AKT3: variants seen among roughly 807,000 people sequenced by gnomAD.
AKT3 encodes RAC-gamma serine/threonine-protein kinase.
A neutral mutation model predicts 65.3 loss-of-function variants in AKT3; 15 were observed. The ratio of observed to expected loss-of-function variants is 0.23; its 90% CI spans 0.15 to 0.35. The LOEUF is 0.35. Ranked by LOEUF, AKT3 falls within the 10% of genes least tolerant of loss-of-function variation. AKT3 has a pLI of 1.00. For missense variants in AKT3, 243 were observed against 576.5 expected (o/e 0.42, Z 5.92); for synonymous variants, 206 against 183.8 (o/e 1.12, Z -0.98).
chr1:243,489,159 C>T (rs1470993701), intron 13 of AKT3: 6 of 1,610,430 alleles, frequency 3.7e-6, no homozygotes, highest in Admixed American at 3.3e-5. Flanking sequence ...CAGAACGCGG[C>T]GCAGGTGGGA....
At chr1:243,542,133 A>G (rs1461176987) in intron 12 of AKT3, among the ~76,000 whole-genome samples, 1 of 152,226 alleles carries the variant, frequency 6.6e-6, no homozygotes. Flanking sequence ...ATTCAACACA[A>G]TCTCACACAA....
chr1:243,713,569 G>A (rs926462325), intron 2 of AKT3, among the ~76,000 whole-genome samples: 5 of 151,970 alleles, frequency 3.3e-5, no homozygotes, highest in African/African-American at 1.2e-4. Flanking sequence ...CCCTGCTGGA[G>A]CTGTCATTTT....
chr1:243,668,933 T>C (rs1682986336), intron 3 of AKT3, among the ~76,000 whole-genome samples: 1 of 152,212 alleles, frequency 6.6e-6, no homozygotes. Flanking sequence ...TTCAACTTTG[T>C]ATAGCAGCAT....
intron 2 of AKT3, among the ~76,000 whole-genome samples, chr1:243,837,945 C>G (rs377581345): frequency 6.6e-6 from 1 of 152,240 alleles, no homozygotes; most frequent in African/African-American, 2.4e-5. Context: ...AAAAGCAGAA[C>G]TGTGGATGTT....
chr1:243,748,672 C>A (rs922972272), intron 2 of AKT3, among the ~76,000 whole-genome samples: 1 of 152,064 alleles, frequency 6.6e-6, no homozygotes, highest in Admixed American at 6.5e-5. Context: ...AATGCAAACA[C>A]AGTATTAATA....
chr1:243,562,969 C>A (rs1195902332), intron 10 of AKT3, among the ~76,000 whole-genome samples: 2 of 152,188 alleles, frequency 1.3e-5, no homozygotes, highest in African/African-American at 4.8e-5. Context: ...GTAACTGGAA[C>A]ACCATCTACA....
At chr1:243,632,074 C>T (rs1352686252) in intron 6 of AKT3, among the ~76,000 whole-genome samples, 3 of 152,188 alleles carry the variant, frequency 2.0e-5, no homozygotes, top group Non-Finnish European at 2.9e-5. Flanking sequence ...CTTCCATGAA[C>T]ATTCATGAAG....
At chr1:243,644,114 C>A (rs532275032) in intron 5 of AKT3, among the ~76,000 whole-genome samples, 122 of 152,088 alleles carry the variant, frequency 8.0e-4, no homozygotes, top group Non-Finnish European at 1.3e-3. Context: ...TACTGTAACA[C>A]GTCAATATAC....
intron 2 of AKT3, among the ~76,000 whole-genome samples, chr1:243,809,808 A>G (rs1381338339): frequency 6.6e-6 from 1 of 152,070 alleles, no homozygotes; most frequent in Non-Finnish European, 1.5e-5. Context: ...GCAAATGTAA[A>G]AGAACAGAAA....
At chr1:243,769,930 A>AC (rs770880583) in intron 2 of AKT3, among the ~76,000 whole-genome samples, 1 of 152,186 alleles carries the variant, frequency 6.6e-6, no homozygotes, top group Non-Finnish European at 1.5e-5. Context: ...TTTTCTTCTA[A>AC]GAGTTTTAGT....
intron 2 of AKT3, among the ~76,000 whole-genome samples, chr1:243,785,858 C>T (rs1050791065): frequency 6.6e-6 from 1 of 152,198 alleles, no homozygotes; most frequent in African/African-American, 2.4e-5. Flanking sequence ...CTCCTTAGGA[C>T]TCCAGAACTG....
rs1669244894 is a variant in AKT3 at position 243,501,021 on chromosome 1, C to T, written c.*4228G>A. 1 of 229,314 alleles carries T rather than the reference C, an allele frequency of 4.4e-6. No individual in the cohort carries two copies. The highest frequency in any genetic ancestry group is 5.7e-5 in the Admixed American group (1 of 17,602). 14.2% of individuals were successfully genotyped at this position (229,314 alleles called of 1,614,324 possible). A position where few individuals can be genotyped will look rare whatever the true frequency, so the allele number is the denominator to read the frequency against. On this transcript the variant is annotated 3_prime_UTR_variant, in exon 14 of 14. Coordinates refer to ENST00000673466, the MANE Select transcript of AKT3 (RefSeq NM_005465.7). The stretch of plus-strand genomic sequence containing the variant: ...ATTATAGAGGTCACTTTTTTTTAGC[C>T]TCCTGGATCTGTCAACCCCAGTGGT...
chr1:243,834,812 A>G (rs1430125036), intron 2 of AKT3, among the ~76,000 whole-genome samples: 2 of 152,108 alleles, frequency 1.3e-5, no homozygotes, highest in African/African-American at 2.4e-5. Flanking sequence ...ATAGGAAAAA[A>G]ATTTTTTAAC....
intron 3 of AKT3, among the ~76,000 whole-genome samples, chr1:243,669,571 C>G (rs554208496): frequency 1.3e-5 from 2 of 152,224 alleles, no homozygotes; most frequent in South Asian, 4.1e-4. Context: ...TATCTAAGCC[C>G]TCAGGTTTAT....
chr1:243,512,555 A>G, intron 12 of AKT3, 129 bp from the exon 13 acceptor site: 1 of 610,318 alleles, frequency 1.6e-6, no homozygotes, highest in Non-Finnish European at 2.8e-6. Context: ...TCGCTGGGTA[A>G]GGGAGACATG....
intron 2 of AKT3, 49 bp from the exon 3 acceptor site, chr1:243,695,765 C>A (rs921151895): frequency 2.0e-6 from 3 of 1,504,250 alleles, no homozygotes; most frequent in Middle Eastern, 1.8e-4. Context: ...TGAACAGCAG[C>A]TTTTATGCAA....
rs1418215747 is a variant in AKT3, at chr1:243,500,804, T to G, written c.*4445A>C. On this transcript the variant is annotated 3_prime_UTR_variant, in exon 14 of 14. Coordinates refer to ENST00000673466, the MANE Select transcript of AKT3 (RefSeq NM_005465.7). ...GGCATGATCTACACACAGAGACCAT[T>G]TGAATCTCTTGAGCATGTAAAAGGT... The G allele has an allele frequency of 4.4e-6, 1 of 228,864 alleles. No homozygotes were observed. Among genetic ancestry groups the G allele is most frequent in the Non-Finnish European group, 8.7e-6 (1 of 115,388 alleles). 14.2% of individuals were successfully genotyped at this position (228,864 alleles called of 1,614,324 possible).
chr1:243,846,819 G>C (rs1378852534), intron 1 of AKT3, among the ~76,000 whole-genome samples: 2 of 152,132 alleles, frequency 1.3e-5, no homozygotes, highest in Non-Finnish European at 2.9e-5. Context: ...AATTAGGAAA[G>C]TTTAAATAAA....
chr1:243,709,474 T>C (rs549519384), intron 2 of AKT3, among the ~76,000 whole-genome samples: 1 of 152,040 alleles, frequency 6.6e-6, no homozygotes, highest in South Asian at 2.1e-4. Context: ...ATTCAAAGTA[T>C]AGTAGTTCTC....
Sources: allele counts gnomAD v4.1 joint callset (sites outside exome capture counted in the v4.1 genomes callset), GRCh38; gene constraint gnomAD v4.1.1; transcripts MANE v1.5; gene names NCBI Gene and HGNC (gene_info 2026-07-23, HGNC 2026-07-21).